CNMD: variants seen among roughly 807,000 people sequenced by gnomAD.
CNMD encodes leukocyte cell-derived chemotaxin 1.
A neutral mutation model predicts 37.5 loss-of-function variants in CNMD; 30 were observed. The ratio of observed to expected loss-of-function variants is 0.80; its 90% confidence interval spans 0.60 to 1.09. The LOEUF is 1.09. CNMD is among the 50% of genes least tolerant of loss of function. CNMD has a pLI of 0.00. For missense variants in CNMD, 398 were observed against 423.9 expected, an observed-to-expected ratio of 0.94 and a Z score of 0.54; for synonymous variants, 167 against 148.2, an observed-to-expected ratio of 1.13 and a Z score of -0.92.
chr13:52,717,737 A>G (rs983051251), intron 4 of CNMD, among the ~76,000 whole-genome samples: 5 of 152,242 alleles, frequency 3.3e-5, no homozygotes, highest in African/African-American at 1.2e-4. Flanking sequence ...TGCTGCATTC[A>G]GTTTGCCAGT....
chr13:52,722,519 A>G (rs1333322830), intron 4 of CNMD, among the ~76,000 whole-genome samples: 1 of 152,172 alleles, frequency 6.6e-6, no homozygotes, highest in Admixed American at 6.5e-5. Flanking sequence ...TGGGCACTGT[A>G]TGCATACCCC....
chr13:52,729,912 T>C (rs1964635480), intron 3 of CNMD, among the ~76,000 whole-genome samples: 2 of 152,090 alleles, frequency 1.3e-5, no homozygotes, highest in South Asian at 4.2e-4. Context: ...ATGTGCCATG[T>C]TGGTGAGCTG....
chr13:52,710,681 T>C (rs1005812925), intron 5 of CNMD, among the ~76,000 whole-genome samples: 22 of 152,250 alleles, frequency 1.4e-4, no homozygotes, highest in African/African-American at 5.3e-4. Flanking sequence ...GAATCCATTT[T>C]TCATATCTAT....
intron 4 of CNMD, among the ~76,000 whole-genome samples, chr13:52,721,146 C>T (rs1338530796): frequency 6.6e-6 from 1 of 152,088 alleles, no homozygotes; most frequent in Admixed American, 6.5e-5. Flanking sequence ...TGATGCCCCT[C>T]CCCCCACCAA....
Position 52,739,606 on chromosome 13 carries a change from T to G in CNMD, c.72+24A>C, listed in dbSNP as rs764713151. The G allele has an allele frequency of 6.2e-7, 1 of 1,604,462 alleles. No homozygotes were observed. Among genetic ancestry groups the G allele is most frequent in the Admixed American group, 1.7e-5 (1 of 60,016 alleles). ...ATACTCACACAACCCAGGCCCTGCGTGTGGAATCCCTGGCGGTACTCACCG... is the reference window on the plus strand; with the variant it reads ...ATACTCACACAACCCAGGCCCTGCGGGTGGAATCCCTGGCGGTACTCACCG... On this transcript the variant is annotated intron_variant, in intron 1 of 6. Coordinates refer to ENST00000377962, the MANE Select transcript of CNMD (RefSeq NM_007015.3). This position sits in a 1 kb window ranked among gnomAD's most constrained non-coding sequence, Gnocchi z 5.4.
At chr13:52,729,979 C>G (rs1289622481) in intron 3 of CNMD, among the ~76,000 whole-genome samples, 4 of 134,958 alleles carry the variant, frequency 3.0e-5, no homozygotes, top group Admixed American at 7.7e-5. Context: ...TCCCTCCCCC[C>G]ACCCCACAGC....
chr13:52,739,190 G>T lies in CNMD; in HGVS notation c.73-19C>A. 6.8e-7 allele frequency: 1 copy of T among 1,461,186 alleles called. No homozygotes were observed. 90.5% of individuals were successfully genotyped at this position (1,461,186 alleles called of 1,614,324 possible). On this transcript the variant is annotated intron_variant, in intron 1 of 6. Coordinates refer to ENST00000377962, the MANE Select transcript of CNMD (RefSeq NM_007015.3). The surrounding 1 kb of genome is among the most constrained non-coding windows in gnomAD (Gnocchi z 5.4). The stretch of plus-strand genomic sequence containing the variant: ...CGTACGCCTGCGGGCCGGGGCGGGA[G>T]AGGGACCGTCGCGTTTGTGCCGCCA...
At chr13:52,708,226 G>C (rs1476925975) in intron 6 of CNMD, among the ~76,000 whole-genome samples, 1 of 151,806 alleles carries the variant, frequency 6.6e-6, no homozygotes, top group Non-Finnish European at 1.5e-5. Flanking sequence ...CTGTCACCCA[G>C]GCTGAAGTGC....
chr13:52,703,558 A>G lies in CNMD; in HGVS notation c.*37T>C. The G allele has an allele frequency of 2.1e-6, 3 of 1,422,696 alleles. No individual in the cohort carries two copies. Among genetic ancestry groups the G allele is most frequent in the Non-Finnish European group, 2.0e-6 (2 of 1,010,654 alleles). 88.1% of individuals were successfully genotyped at this position (1,422,696 alleles called of 1,614,324 possible). On this transcript the variant is annotated 3_prime_UTR_variant, in exon 7 of 7. Transcript: ENST00000377962. ...TGCTTCTTTGGTTGTCTCTTCAGCT[A>G]GTTCTTATTTTACAGCACATGATAT...
chr13:52,703,400 A>G lies in CNMD; in HGVS notation c.*195T>C. On this transcript the variant is annotated 3_prime_UTR_variant, in exon 7 of 7. Coordinates refer to ENST00000377962, the MANE Select transcript of CNMD (RefSeq NM_007015.3). ...GGTTATGGCATTTTAGACTTGAACT[A>G]CCCTTTCAGTACATTTGCATATACT... The G allele has an allele frequency of 2.0e-6, 1 of 495,020 alleles. No homozygotes were observed. The highest frequency in any genetic ancestry group is 3.9e-5 in the South Asian group (1 of 25,882). 30.7% of individuals were successfully genotyped at this position (495,020 alleles called of 1,614,324 possible).
intron 3 of CNMD, among the ~76,000 whole-genome samples, chr13:52,732,555 C>T (rs1964690526): frequency 1.3e-5 from 2 of 152,076 alleles, no homozygotes; most frequent in African/African-American, 2.4e-5. Flanking sequence ...AAAACATATG[C>T]TATAATAGGA....
chr13:52,737,657 T>G (rs1256566082), intron 2 of CNMD, among the ~76,000 whole-genome samples: 1 of 152,244 alleles, frequency 6.6e-6, no homozygotes, highest in African/African-American at 2.4e-5. Context: ...CCCATTGACC[T>G]ATACCATTGA....
chr13:52,719,647 A>G (rs986650795), intron 4 of CNMD, among the ~76,000 whole-genome samples: 11 of 152,184 alleles, frequency 7.2e-5, no homozygotes, highest in African/African-American at 2.7e-4. Context: ...GAGGTTGAAT[A>G]TTGGCCCCCA....
rs9536263 is a variant in CNMD, at chr13:52,729,997, G to A, written c.354+3222C>T. Among the ~76,000 whole-genome samples the A allele has an allele frequency of 7.5e-3, 1,036 of 137,306 alleles. 3 individuals carry two copies. Among genetic ancestry groups the A allele is most frequent in the Non-Finnish European group, 0.012 (804 of 65,396 alleles). 90.1% of individuals were successfully genotyped at this position (137,306 alleles called of 152,430 possible). A position where few individuals can be genotyped will look rare whatever the true frequency, so the allele number is the denominator to read the frequency against. On this transcript the variant is annotated intron_variant, in intron 3 of 6. Transcript: ENST00000377962. Reference sequence around the variant, plus strand: ...CTCCCCCCACCCCACAGCAGTTCCTGGTGTGTGACGTTCCCCTTCCTGTAT... The same window carrying A: ...CTCCCCCCACCCCACAGCAGTTCCTAGTGTGTGACGTTCCCCTTCCTGTAT...
At chr13:52,709,574 A>G (rs144247254) in intron 5 of CNMD, among the ~76,000 whole-genome samples, 1 of 152,366 alleles carries the variant, frequency 6.6e-6, no homozygotes, top group East Asian at 1.9e-4. Flanking sequence ...GACTTGGCCA[A>G]GATCACAGAA....
At chr13:52,704,982 C>G (rs1269582139) in intron 6 of CNMD, among the ~76,000 whole-genome samples, 1 of 151,818 alleles carries the variant, frequency 6.6e-6, no homozygotes, top group African/African-American at 2.4e-5. Flanking sequence ...TCTCCTGAAC[C>G]AGGAGGTGGA....
Position 52,739,744 on chromosome 13 carries a change from A to G in CNMD, c.-43T>C, listed in dbSNP as rs2138291468. 2.6e-6 allele frequency: 4 copies of G among 1,528,098 alleles called. No individual in the cohort carries two copies. Among genetic ancestry groups the G allele is most frequent in the Non-Finnish European group, 3.6e-6 (4 of 1,102,792 alleles). 94.7% of individuals were successfully genotyped at this position (1,528,098 alleles called of 1,614,324 possible). A position where few individuals can be genotyped will look rare whatever the true frequency, so the allele number is the denominator to read the frequency against. The stretch of plus-strand genomic sequence containing the variant: ...TGAGGCACTTGGAGACTCCCTGGGC[A>G]CCCTGGGATCTGTCCCGCTGCCCCG... On this transcript the variant is annotated 5_prime_UTR_variant, in exon 1 of 7. Coordinates refer to ENST00000377962, the MANE Select transcript of CNMD (RefSeq NM_007015.3). The surrounding 1 kb of genome is among the most constrained non-coding windows in gnomAD (Gnocchi z 5.4).
chr13:52,710,043 TGG>T (rs1322235408), intron 5 of CNMD, among the ~76,000 whole-genome samples: 1 of 152,172 alleles, frequency 6.6e-6, no homozygotes, highest in Admixed American at 6.5e-5. Flanking sequence ...ATCTGTAAAA[TGG>T]GGATAATAGT....
chr13:52,708,676 C>A lies in CNMD; in HGVS notation c.649G>T (p.Val217Leu). The A allele has an allele frequency of 1.2e-6, 2 of 1,609,268 alleles. No homozygotes were observed. The highest frequency in any genetic ancestry group is 1.7e-5 in the Admixed American group (1 of 58,910). The change falls in exon 6 of 7, where the codon GTA (valine) becomes TTA (leucine). Residue 217 changes from valine (V) to leucine (L), a missense_variant. Transcript: ENST00000377962. ...KEIQRERREV[V>L]RKIVPTTTKR... ...GTGGTAGTTGGAACAATTTTTCTTA[C>A]CACTTCTCTTCTTTCCCTCTGGATT...
Sources: allele counts gnomAD v4.1 joint callset (sites outside exome capture counted in the v4.1 genomes callset), GRCh38; gene constraint gnomAD v4.1.1; non-coding constraint Gnocchi (gnomAD v3.1); transcripts MANE v1.5; gene names NCBI Gene and HGNC (gene_info 2026-07-23, HGNC 2026-07-21).